Variants in NEK10 observed in about 807,000 individuals in gnomAD.
NEK10 encodes the protein NIMA related kinase 10.
In NEK10, 122 loss-of-function variants were observed where a neutral mutation model predicts 159.8. The ratio of observed to expected loss-of-function variants is 0.76; its 90% CI spans 0.66 to 0.89. The LOEUF (loss-of-function observed/expected upper bound fraction) is 0.89, where lower values mean the gene tolerates loss of function less well. Among genes scored for constraint, NEK10 ranks in the 40% least tolerant of loss-of-function variants. NEK10 has a pLI of 0.00. For missense variants in NEK10, 1,342 were observed against 1,323.1 expected, an observed-to-expected ratio of 1.01 and a Z score of -0.22; for synonymous variants, 466 against 457.1, an observed-to-expected ratio of 1.02 and a Z score of -0.25.
intron 23 of NEK10, among the ~76,000 whole-genome samples, chr3:27,219,651 T>C (rs568980748): frequency 6.6e-6 from 1 of 152,340 alleles, no homozygotes; most frequent in East Asian, 1.9e-4. Flanking sequence ...CCCCTAACAC[T>C]TCTTCAGATC....
intron 6 of NEK10, among the ~76,000 whole-genome samples, chr3:27,318,552 T>C (rs113625142): frequency 6.6e-6 from 1 of 152,232 alleles, no homozygotes; most frequent in Non-Finnish European, 1.5e-5. Flanking sequence ...AGTACACATG[T>C]TCCATCAGCT....
intron 24 of NEK10, among the ~76,000 whole-genome samples, chr3:27,202,086 G>C (rs1950101781): frequency 6.6e-6 from 1 of 152,134 alleles, no homozygotes; most frequent in African/African-American, 2.4e-5. Flanking sequence ...AGGAGGCGGA[G>C]GTTGCAGTGA....
chr3:27,326,088 A>G lies in NEK10; in HGVS notation c.363-3827T>C, dbSNP rs17019679. ...TGACTTCAGATCAGACATACCCTGC[A>G]TTGGGAAAAATAAACCAAATTTGAA... is the stretch of plus-strand genomic sequence containing the variant. On this transcript the variant is annotated intron_variant, in intron 5 of 35. Transcript: ENST00000691995. Among the ~76,000 whole-genome samples, 609 of 152,346 alleles carry G rather than the reference A, an allele frequency of 4.0e-3. 3 individuals are homozygous for G. The highest frequency in any genetic ancestry group is 6.6e-3 in the South Asian group (32 of 4,832).
At chr3:27,356,940 T>C (rs1288766569) in intron 1 of NEK10, among the ~76,000 whole-genome samples, 1 of 152,200 alleles carries the variant, frequency 6.6e-6, no homozygotes, top group Non-Finnish European at 1.5e-5. Flanking sequence ...CATGACACAG[T>C]GTAAGCATGG....
In NEK10 at chr3:27,333,451, C is replaced by T. The variant is rs1048555146; in HGVS notation, c.362+10821G>A. On this transcript the variant is annotated intron_variant, in intron 5 of 35. Coordinates refer to ENST00000691995, the MANE Select transcript of NEK10 (RefSeq NM_001394966.1). ...ATCCTAGCTATTTGTGAGTCTGAGG[C>T]AGGAGAATCACTCAAACCCAGGAGG... Among the ~76,000 whole-genome samples the T allele has an allele frequency of 1.3e-5, 2 of 151,034 alleles. 1 individual carries two copies. The highest frequency in any genetic ancestry group is 2.9e-5 in the Non-Finnish European group (2 of 67,948).
At chr3:27,327,507 A>G (rs1033328248) in intron 5 of NEK10, among the ~76,000 whole-genome samples, 2 of 152,224 alleles carry the variant, frequency 1.3e-5, no homozygotes, top group African/African-American at 2.4e-5. Context: ...TCTGCCATCA[A>G]TATAAAATGA....
chr3:27,252,648 G>T (rs1955782856), intron 23 of NEK10, among the ~76,000 whole-genome samples: 1 of 152,108 alleles, frequency 6.6e-6, no homozygotes, highest in South Asian at 2.1e-4. Context: ...AAAGTACATA[G>T]AGTGTGTAGA....
At chr3:27,174,140 ACTC>A (rs1166533823) in intron 28 of NEK10, among the ~76,000 whole-genome samples, 21 of 151,992 alleles carry the variant, frequency 1.4e-4, no homozygotes, top group African/African-American at 5.1e-4. Context: ...CATGTCCATT[ACTC>A]CTGTGGTTAT....
At chr3:27,174,958 C>A in intron 26 of NEK10, 125 bp from the exon 27 acceptor site, 1 of 748,884 alleles carries the variant, frequency 1.3e-6, no homozygotes, top group Non-Finnish European at 2.1e-6. Context: ...GCAGAAGACG[C>A]ATCAGTAGTT....
At chr3:27,243,845 G>GTC (rs1294923403) in intron 23 of NEK10, among the ~76,000 whole-genome samples, 26 of 90,026 alleles carry the variant, frequency 2.9e-4, no homozygotes, top group Non-Finnish European at 5.3e-4. Flanking sequence ...GTGTGTGTGT[G>GTC]TGTGTGTGTG....
intron 32 of NEK10, among the ~76,000 whole-genome samples, chr3:27,124,581 G>C (rs1941721147): frequency 1.3e-5 from 2 of 152,154 alleles, no homozygotes. Context: ...CAGAAGCTAG[G>C]GCTGTCTTAC....
At chr3:27,311,779 T>C (rs769039638) in intron 8 of NEK10, 7 of 292,754 alleles carry the variant, frequency 2.4e-5, no homozygotes, top group Admixed American at 1.0e-4. Context: ...CCCAACTTTA[T>C]AGAAAAAAAA....
intron 30 of NEK10, among the ~76,000 whole-genome samples, chr3:27,160,284 T>C (rs35010623): frequency 0.05 from 7,668 of 152,256 alleles, 238 homozygotes; most frequent in Non-Finnish European, 0.06. Context: ...CTCTATACTT[T>C]AGTTAAGACA....
In NEK10 at chr3:27,291,522, C is replaced by G; in HGVS notation, c.1438G>C (p.Ala480Pro). The G allele has an allele frequency of 6.2e-7, 1 of 1,611,272 alleles. No homozygotes were observed. The highest frequency in any genetic ancestry group is 8.5e-7 in the Non-Finnish European group (1 of 1,177,414). ...AGCTTGGATACCAATTCTTCATAAG[C>G]ACTGATATCACGTACATAATGCCCT... ...DIGHYVRDIS[A>P]YEELVSKLNL... is the part of the protein sequence containing the mutation. Residue 480 changes from alanine (A) to proline (P), a missense_variant, in exon 17 of 36, where the codon GCT (alanine) becomes CCT (proline). Transcript: ENST00000691995.
intron 13 of NEK10, among the ~76,000 whole-genome samples, chr3:27,298,095 C>T (rs13075389): frequency 0.15 from 23,504 of 152,138 alleles, 2,035 homozygotes; most frequent in Non-Finnish European, 0.2. Flanking sequence ...TCAGACCCTA[C>T]TCTTAACCGT....
At chr3:27,243,156 G>A (rs1445498799) in intron 23 of NEK10, among the ~76,000 whole-genome samples, 1 of 151,978 alleles carries the variant, frequency 6.6e-6, no homozygotes, top group Non-Finnish European at 1.5e-5. Context: ...TTCAAAGGAA[G>A]GTTTTCTTGT....
intron 31 of NEK10, among the ~76,000 whole-genome samples, chr3:27,136,238 G>A (rs1050274252): frequency 2.0e-5 from 3 of 148,126 alleles, no homozygotes; most frequent in Admixed American, 6.9e-5. Context: ...TCAGCCTCCC[G>A]AGTAGCTGGG....
intron 32 of NEK10, among the ~76,000 whole-genome samples, chr3:27,125,953 C>T (rs1338655579): frequency 6.6e-6 from 1 of 152,180 alleles, no homozygotes; most frequent in Non-Finnish European, 1.5e-5. Context: ...TGAACGGTGG[C>T]TTGACCTGGC....
intron 20 of NEK10, 147 bp from the exon 21 acceptor site, chr3:27,285,108 A>G: frequency 1.6e-6 from 1 of 638,490 alleles, no homozygotes; most frequent in Admixed American, 3.3e-5. Flanking sequence ...ATATGGATCC[A>G]CTCAGCCCTG....
Sources: gnomAD v4.1 joint callset for allele counts (sites outside exome capture counted in the v4.1 genomes callset) on GRCh38, gnomAD v4.1.1 for gene constraint, MANE v1.5 for transcripts, NCBI Gene and HGNC (gene_info 2026-07-23, HGNC 2026-07-21) for gene names.